PIK3C3: variants seen among roughly 807,000 people sequenced by gnomAD.
PIK3C3 encodes phosphatidylinositol 3-kinase catalytic subunit type 3, also known as PI3-kinase type 3.
In PIK3C3, 95 loss-of-function variants were observed where a neutral mutation model predicts 126.1. That is an observed-to-expected ratio of 0.75 (90% CI 0.64 to 0.89). The LOEUF (loss-of-function observed/expected upper bound fraction) is 0.89, where lower values mean the gene tolerates loss of function less well. PIK3C3 is among the 40% of genes least tolerant of loss of function. The pLI is 0.00. For synonymous variants in PIK3C3, 374 were observed against 360.0 expected (o/e 1.04, Z -0.44); for missense variants, 829 against 1,063.2 (o/e 0.78, Z 3.06).
At chr18:42,066,449 T>C (rs192648052) in intron 23 of PIK3C3, among the ~76,000 whole-genome samples, 18 of 152,168 alleles carry the variant, frequency 1.2e-4, no homozygotes, top group African/African-American at 4.3e-4. Flanking sequence ...GAGAAGTATA[T>C]GTGGGTTATT....
At chr18:41,957,284 C>T (rs1487904005) in intron 1 of PIK3C3, among the ~76,000 whole-genome samples, 1 of 151,864 alleles carries the variant, frequency 6.6e-6, no homozygotes, top group Non-Finnish European at 1.5e-5. Flanking sequence ...TCAATGGCAG[C>T]GTTTAAAATT....
At chr18:42,012,932 CAG>C (rs774298938) in intron 10 of PIK3C3, among the ~76,000 whole-genome samples, 10 of 151,952 alleles carry the variant, frequency 6.6e-5, no homozygotes, top group Non-Finnish European at 1.2e-4. Flanking sequence ...AAAAAGAAAA[CAG>C]ATGATTTTTA....
intron 4 of PIK3C3, among the ~76,000 whole-genome samples, chr18:41,975,698 GTTTTT>G (rs35430380): frequency 1.1e-4 from 15 of 134,690 alleles, no homozygotes; most frequent in African/African-American, 4.1e-4. Context: ...AAAACGGACT[GTTTTT>G]TTTTTTTTTT....
intron 21 of PIK3C3, among the ~76,000 whole-genome samples, chr18:42,053,404 A>G (rs1282953387): frequency 6.6e-6 from 1 of 152,318 alleles, no homozygotes; most frequent in East Asian, 1.9e-4. Flanking sequence ...CCATAAATGT[A>G]AAAGTGTAGC....
At chr18:42,040,612 A>G in intron 18 of PIK3C3, 65 bp from the exon 19 acceptor site, 1 of 1,103,824 alleles carries the variant, frequency 9.1e-7, no homozygotes. Context: ...TATTCTTAGC[A>G]GAACCTTTAT....
chr18:42,004,804 G>A (rs541836304), intron 10 of PIK3C3, among the ~76,000 whole-genome samples: 103 of 152,324 alleles, frequency 6.8e-4, no homozygotes, highest in African/African-American at 2.4e-3. Flanking sequence ...TTACCTGGCA[G>A]CAGAGCTTGT....
intron 9 of PIK3C3, 126 bp downstream of exon 9, chr18:41,996,856 A>G (rs1468012008): frequency 2.2e-6 from 1 of 460,700 alleles, no homozygotes. Flanking sequence ...AGCAGTATAT[A>G]TGAGACTCCA....
chr18:41,967,611 T>C (rs1980436014), intron 3 of PIK3C3, among the ~76,000 whole-genome samples: 1 of 152,198 alleles, frequency 6.6e-6, no homozygotes, highest in Non-Finnish European at 1.5e-5. Context: ...AGGCAGAACT[T>C]CTTGGAGAAT....
chr18:41,993,454 A>G, intron 7 of PIK3C3, 113 bp downstream of exon 7: 1 of 654,062 alleles, frequency 1.5e-6, no homozygotes, highest in South Asian at 1.9e-5. Flanking sequence ...TCCGTTACCT[A>G]AAAGTGATTC....
chr18:41,970,668 T>C, intron 4 of PIK3C3: 2 of 609,380 alleles, frequency 3.3e-6, no homozygotes, highest in Non-Finnish European at 5.8e-6. Context: ...ACTTGTATAA[T>C]CATCACCACT....
chr18:41,978,908 T>G (rs1037062692), intron 4 of PIK3C3, among the ~76,000 whole-genome samples: 1 of 151,888 alleles, frequency 6.6e-6, no homozygotes, highest in Non-Finnish European at 1.5e-5. Context: ...TTACCTTTTT[T>G]CCCTTTTAAT....
At position 41,996,662 on chromosome 18, in the gene PIK3C3, A is replaced by G; in HGVS notation, c.916A>G (p.Lys306Glu). The change falls in exon 9 of 25, where the codon AAG (lysine) becomes GAG (glutamate). Residue 306 changes from lysine (K) to glutamate (E), a missense_variant. Lys to Glu is a moderately conservative substitution (Grantham distance 56, BLOSUM62 1). Coordinates refer to ENST00000262039, the MANE Select transcript of PIK3C3 (RefSeq NM_002647.4). Reference protein sequence around the residue: ...LNIIVSYPPTKQLTYEEQDLV... With the variant: ...LNIIVSYPPTEQLTYEEQDLV... ...GATTATTGTGAGTTATCCACCAACC[A>G]AGCAACTTACATATGAAGAACAAGA... 1.3e-6 allele frequency: 2 copies of G among 1,575,172 alleles called. No homozygotes were observed. Among genetic ancestry groups the G allele is most frequent in the Non-Finnish European group, 1.7e-6 (2 of 1,159,444 alleles).
chr18:41,962,455 G>A, intron 2 of PIK3C3, 34 bp from the exon 3 acceptor site: 3 of 1,528,822 alleles, frequency 2.0e-6, no homozygotes, highest in Non-Finnish European at 2.7e-6. Flanking sequence ...ATATATATAT[G>A]TATTTCTGAT....
intron 4 of PIK3C3, among the ~76,000 whole-genome samples, chr18:41,986,003 T>C (rs1250757562): frequency 6.6e-6 from 1 of 152,168 alleles, no homozygotes; most frequent in East Asian, 1.9e-4. Flanking sequence ...GGATCAACTA[T>C]TGTATCATAA....
In PIK3C3 at chr18:42,015,506, A is replaced by T; in HGVS notation, c.1356A>T (p.Ser452=). The T allele has an allele frequency of 1.2e-6, 2 of 1,613,650 alleles. No individual in the cohort carries two copies. The highest frequency in any genetic ancestry group is 2.2e-5 in the South Asian group (2 of 91,058). The part of the protein sequence containing the change: ...SSQIITSPLP[S]VSSPPPASKT... ...AAATTATAACCAGCCCCCTTCCTTCAGTCTCTTCACCTCCTCCTGCATCAA... is the reference window on the plus strand; with the variant it reads ...AAATTATAACCAGCCCCCTTCCTTCTGTCTCTTCACCTCCTCCTGCATCAA... The change falls in exon 12 of 25, where the codon TCA becomes TCT. Residue 452 remains serine (S), a synonymous_variant. Transcript: ENST00000262039.
intron 15 of PIK3C3, among the ~76,000 whole-genome samples, chr18:42,032,565 G>C (rs1406346771): frequency 6.6e-6 from 1 of 151,972 alleles, no homozygotes; most frequent in East Asian, 1.9e-4. Flanking sequence ...GCTTATAGTG[G>C]TAGAGGTGGT....
At chr18:41,963,691 ATCAT>A (rs1980211519) in intron 3 of PIK3C3, among the ~76,000 whole-genome samples, 1 of 152,188 alleles carries the variant, frequency 6.6e-6, no homozygotes, top group Non-Finnish European at 1.5e-5. Context: ...TAATTTTTAC[ATCAT>A]TAAGTATGAG....
At chr18:42,048,907 A>G (rs1984673198) in intron 20 of PIK3C3, among the ~76,000 whole-genome samples, 1 of 152,232 alleles carries the variant, frequency 6.6e-6, no homozygotes, top group South Asian at 2.1e-4. Flanking sequence ...GCTATTTGCT[A>G]AATTCTGTTT....
chr18:41,976,061 G>A (rs999012861), intron 4 of PIK3C3, among the ~76,000 whole-genome samples: 2 of 152,056 alleles, frequency 1.3e-5, no homozygotes, highest in African/African-American at 4.8e-5. Flanking sequence ...TGGTTGTACT[G>A]CATCTTTTGA....
Sources: allele counts gnomAD v4.1 joint callset (sites outside exome capture counted in the v4.1 genomes callset), GRCh38; gene constraint gnomAD v4.1.1; transcripts MANE v1.5; gene names NCBI Gene and HGNC (gene_info 2026-07-23, HGNC 2026-07-21).